The following MEIG1 variants were observed in gnomAD, a reference collection of about 807,000 sequenced individuals.
The protein encoded by MEIG1 is meiosis/spermiogenesis associated 1, also known as meiosis expressed gene 1 protein homolog.
In MEIG1, 12 loss-of-function variants were observed where a neutral mutation model predicts 11.3. That is an observed-to-expected ratio of 1.07 (90% CI 0.68 to 1.73). The LOEUF (loss-of-function observed/expected upper bound fraction) is 1.73, where lower values mean the gene tolerates loss of function less well. Among genes scored for constraint, MEIG1 ranks in the 40% most tolerant of loss-of-function variants. The pLI is 0.00. For missense variants in MEIG1, 119 were observed against 104.9 expected, an observed-to-expected ratio of 1.13 and a Z score of -0.59; for synonymous variants, 41 against 33.2, an observed-to-expected ratio of 1.24 and a Z score of -0.81.
At chr10:14,977,554 A>G (rs1023231894), downstream of MEIG1, among the ~76,000 whole-genome samples, 5 of 151,832 alleles carry the variant, frequency 3.3e-5, no homozygotes, top group African/African-American at 7.3e-5. Flanking sequence ...TTATAGAGAG[A>G]TATTACTTTA....
At chr10:14,975,556 C>A (rs1200417653), downstream of MEIG1, among the ~76,000 whole-genome samples, 1 of 151,946 alleles carries the variant, frequency 6.6e-6, no homozygotes, top group African/African-American at 2.4e-5. Context: ...ACCCCCCATA[C>A]CGCAGGAGGT....
At chr10:14,978,245 G>T (rs886499878) in intron 1 of MEIG1, among the ~76,000 whole-genome samples, 1 of 151,828 alleles carries the variant, frequency 6.6e-6, no homozygotes, top group Non-Finnish European at 1.5e-5. Flanking sequence ...AAGACCCAGG[G>T]ATATATTACT....
chr10:14,975,103 C>A, downstream of MEIG1, among the ~76,000 whole-genome samples: 1 of 152,076 alleles, frequency 6.6e-6, no homozygotes, highest in Non-Finnish European at 1.5e-5. Context: ...CCCAATATAG[C>A]ACTGGGTGCG....
chr10:14,978,614 A>G (rs542380879), intron 1 of MEIG1, among the ~76,000 whole-genome samples: 1 of 152,098 alleles, frequency 6.6e-6, no homozygotes, highest in South Asian at 2.1e-4. Context: ...TCATATTGTC[A>G]CAGGGGTTGT....
At chr10:14,968,780 G>A (rs1203716698) in intron 2 of MEIG1, among the ~76,000 whole-genome samples, 1 of 151,906 alleles carries the variant, frequency 6.6e-6, no homozygotes, top group African/African-American at 2.4e-5. Context: ...TTTTTATGCT[G>A]TTTAAAATAA....
chr10:14,973,769 C>CAAAAAAAAAAAAA, downstream of MEIG1, among the ~76,000 whole-genome samples: 1 of 90,472 alleles, frequency 1.1e-5, no homozygotes, highest in Non-Finnish European at 2.1e-5. Flanking sequence ...GACTCCATCT[C>CAAAAAAAAAAAAA]AAAAAAAAAA....
At chr10:14,966,707 C>A in intron 2 of MEIG1, 101 bp downstream of exon 2, 1 of 1,030,946 alleles carries the variant, frequency 9.7e-7, no homozygotes, top group Non-Finnish European at 1.4e-6. Flanking sequence ...AAATTCGACT[C>A]CAACTCTCTC....
At chr10:14,987,453 G>A (rs1843330940) in intron 2 of MEIG1, 7 of 717,454 alleles carry the variant, frequency 9.8e-6, no homozygotes, top group Non-Finnish European at 1.8e-5. Context: ...GTGTGTCTTG[G>A]ACACCTTGAG....
intron 2 of MEIG1, chr10:14,970,246 A>G (rs897259172): frequency 6.6e-6 from 1 of 152,212 alleles, no homozygotes; most frequent in Non-Finnish European, 1.5e-5. Flanking sequence ...ATTCCACCAC[A>G]GGCAAGAAAG....
chr10:14,965,050 C>G (rs981046245), intron 1 of MEIG1, among the ~76,000 whole-genome samples: 3 of 151,984 alleles, frequency 2.0e-5, no homozygotes, highest in African/African-American at 7.3e-5. Context: ...TCCCCAACTG[C>G]TGGGATTACA....
In MEIG1 at chr10:14,969,637, C is replaced by A. The variant is rs188640740; in HGVS notation, c.139-2876C>A. Among the ~76,000 whole-genome samples, 9 of 152,194 alleles carry A rather than the reference C, an allele frequency of 5.9e-5. No homozygotes were observed. In the East Asian group the frequency reaches 1.5e-3, roughly 26 times the overall value. ...TTCACCTGCAGTCAGGAGTTAGAGA[C>A]CAGCCTGGCCAACATGGTGAAACCC... On this transcript the variant is annotated intron_variant, in intron 2 of 2. Coordinates refer to ENST00000407572, the MANE Select transcript of MEIG1 (RefSeq NM_001080836.3).
At chr10:14,983,669 C>T (rs1254244113) in intron 1 of MEIG1, among the ~76,000 whole-genome samples, 4 of 151,796 alleles carry the variant, frequency 2.6e-5, no homozygotes, top group Admixed American at 6.6e-5. Flanking sequence ...AAGATGATAC[C>T]ACGCCCCCAT....
chr10:14,976,186 TG>T (rs2131278526), downstream of MEIG1, among the ~76,000 whole-genome samples: 1 of 152,308 alleles, frequency 6.6e-6, no homozygotes, highest in South Asian at 2.1e-4. Context: ...ACTGCCATCC[TG>T]GGTTCACACC....
downstream of MEIG1, among the ~76,000 whole-genome samples, chr10:14,976,340 T>A (rs1180212272): frequency 6.6e-6 from 1 of 152,184 alleles, no homozygotes; most frequent in Non-Finnish European, 1.5e-5. Flanking sequence ...GTACACACTG[T>A]GAAGTTATTC....
chr10:14,963,904 C>G (rs1254722968), intron 1 of MEIG1, among the ~76,000 whole-genome samples: 1 of 152,124 alleles, frequency 6.6e-6, no homozygotes, highest in Non-Finnish European at 1.5e-5. Flanking sequence ...CCAGAACATC[C>G]TGGCTAACAC....
intron 2 of MEIG1, chr10:14,987,714 G>A (rs1240969798): frequency 1.6e-5 from 4 of 254,614 alleles, no homozygotes; most frequent in East Asian, 1.0e-4. Context: ...TAACAAATCC[G>A]TGATCTCCGT....
At chr10:14,959,666 C>T (rs1248849922) in intron 1 of MEIG1, 109 bp downstream of exon 1, 1 of 152,382 alleles carries the variant, frequency 6.6e-6, no homozygotes, top group African/African-American at 2.4e-5. Flanking sequence ...CCGCAGTTCT[C>T]TGCTGTCTCC....
At chr10:14,967,290 TAGAA>T (rs1444137903) in intron 2 of MEIG1, among the ~76,000 whole-genome samples, 3 of 152,216 alleles carry the variant, frequency 2.0e-5, no homozygotes, top group Non-Finnish European at 2.9e-5. Context: ...AACCATGAAT[TAGAA>T]AGAGGTTAAA....
At chr10:14,984,467 T>G (rs1371781981) in intron 1 of MEIG1, among the ~76,000 whole-genome samples, 1 of 152,132 alleles carries the variant, frequency 6.6e-6, no homozygotes, top group African/African-American at 2.4e-5. Context: ...ATTCACAGTA[T>G]CCTAGCGGGA....
Sources: allele counts gnomAD v4.1 joint callset (sites outside exome capture counted in the v4.1 genomes callset), GRCh38; gene constraint gnomAD v4.1.1; transcripts MANE v1.5; gene names NCBI Gene and HGNC (gene_info 2026-07-23, HGNC 2026-07-21).